SLC22A8: variants seen among roughly 807,000 people sequenced by gnomAD.
The protein encoded by SLC22A8 is solute carrier family 22 member 8, also known as organic anion transporter 3.
Under a neutral mutation model 48.4 loss-of-function variants are expected in SLC22A8, and 40 were observed. The ratio of observed to expected loss-of-function variants is 0.83; its 90% CI spans 0.64 to 1.08. SLC22A8 has a LOEUF of 1.08. Among genes scored for constraint, SLC22A8 ranks in the 50% least tolerant of loss-of-function variants. SLC22A8 has a pLI of 0.00. For missense variants in SLC22A8, 606 were observed against 699.0 expected, an observed-to-expected ratio of 0.87 and a Z score of 1.50; for synonymous variants, 268 against 286.3, an observed-to-expected ratio of 0.94 and a Z score of 0.65.
At chr11:63,013,118 T>C (rs2086637624) in intron 2 of SLC22A8, among the ~76,000 whole-genome samples, 1 of 152,116 alleles carries the variant, frequency 6.6e-6, no homozygotes, top group Admixed American at 6.6e-5. Context: ...TTACAGTGTG[T>C]TCAGGAAGGT....
chr11:62,997,840 C>A (rs900980270), intron 5 of SLC22A8, among the ~76,000 whole-genome samples: 1 of 152,208 alleles, frequency 6.6e-6, no homozygotes, highest in African/African-American at 2.4e-5. Context: ...TCAGAGACGA[C>A]GTAGGTTGAT....
At chr11:63,001,859 C>T (rs1231625147) in intron 2 of SLC22A8, among the ~76,000 whole-genome samples, 1 of 152,118 alleles carries the variant, frequency 6.6e-6, no homozygotes, top group Non-Finnish European at 1.5e-5. Flanking sequence ...GGACTTATCA[C>T]CCCACTTCTC....
chr11:62,999,314 C>A, intron 4 of SLC22A8: 1 of 529,942 alleles, frequency 1.9e-6, no homozygotes, highest in Non-Finnish European at 3.4e-6. Context: ...AGGACTCAAA[C>A]CTAGGTGTGT....
chr11:62,994,964 C>T (rs1051073558), intron 7 of SLC22A8: 12 of 606,862 alleles, frequency 2.0e-5, no homozygotes, highest in African/African-American at 9.2e-5. Flanking sequence ...TCATGTCTGA[C>T]GTGGGCATGG....
chr11:62,998,336 C>G (rs748004821), intron 5 of SLC22A8, among the ~76,000 whole-genome samples: 1 of 152,190 alleles, frequency 6.6e-6, no homozygotes, highest in Admixed American at 6.5e-5. Flanking sequence ...TCTCTGCCCA[C>G]TCTGGGTCTC....
At chr11:62,996,822 G>T (rs1427261889) in intron 5 of SLC22A8, among the ~76,000 whole-genome samples, 1 of 152,256 alleles carries the variant, frequency 6.6e-6, no homozygotes, top group Admixed American at 6.5e-5. Flanking sequence ...CAGGATAAGA[G>T]GAAAGGAAGA....
At chr11:63,012,983 G>A (rs2135148059) in intron 2 of SLC22A8, among the ~76,000 whole-genome samples, 1 of 152,224 alleles carries the variant, frequency 6.6e-6, no homozygotes, top group East Asian at 1.9e-4. Context: ...ATGGTGTGGA[G>A]GGCAGGTGTG....
intron 2 of SLC22A8, among the ~76,000 whole-genome samples, chr11:63,004,311 G>A (rs2086530982): frequency 2.0e-5 from 3 of 152,136 alleles, no homozygotes; most frequent in African/African-American, 7.2e-5. Flanking sequence ...TCCTTACAAT[G>A]GCTTACGAGG....
At chr11:63,006,786 T>C (rs1181372628) in intron 2 of SLC22A8, among the ~76,000 whole-genome samples, 1 of 151,216 alleles carries the variant, frequency 6.6e-6, no homozygotes, top group Non-Finnish European at 1.5e-5. Flanking sequence ...TTTTTTTTTT[T>C]TTAGTAGAGA....
intron 2 of SLC22A8, 36 bp from the exon 3 acceptor site, chr11:63,000,859 T>C (rs768884401): frequency 1.1e-5 from 16 of 1,514,090 alleles, no homozygotes; most frequent in Middle Eastern, 1.7e-4. Context: ...CCTAACTCAG[T>C]GTAGACAGCC....
At chr11:63,000,963 T>C (rs1460344755) in intron 2 of SLC22A8, 140 bp from the exon 3 acceptor site, 1 of 652,526 alleles carries the variant, frequency 1.5e-6, no homozygotes, top group Non-Finnish European at 2.8e-6. Flanking sequence ...CGTTTCCTTT[T>C]TCAGCCCGGC....
At chr11:63,012,832 TTA>T (rs2086634584) in intron 2 of SLC22A8, among the ~76,000 whole-genome samples, 1 of 152,154 alleles carries the variant, frequency 6.6e-6, no homozygotes, top group African/African-American at 2.4e-5. Flanking sequence ...CTCTTCGACT[TTA>T]TGTCCTCAGT....
At position 62,999,790 on chromosome 11, in the gene SLC22A8, C is replaced by G; in HGVS notation, c.490G>C (p.Gly164Arg). 6.2e-7 allele frequency: 1 copy of G among 1,604,526 alleles called. No homozygotes were observed. The highest frequency in any genetic ancestry group is 8.5e-7 in the Non-Finnish European group (1 of 1,175,294). The change falls in exon 4 of 11, where the codon GGC becomes CGC. Residue 164 changes from glycine to arginine, a missense_variant. Physicochemically the swap from Gly to Arg is moderately radical, Grantham distance 125. Transcript: ENST00000336232. Reference sequence around the variant, plus strand: ...GTGGGGCTGAAGGCTGCACCGGAGCCGCTGGCTGCCAGCAGCAGGTAGCTG... The same window carrying G: ...GTGGGGCTGAAGGCTGCACCGGAGCGGCTGGCTGCCAGCAGCAGGTAGCTG... Reference protein sequence around the residue: ...TCSYLLLAASGSGAAFSPTFP... With the variant: ...TCSYLLLAASRSGAAFSPTFP...
chr11:63,009,999 C>A (rs1411951718), intron 2 of SLC22A8, among the ~76,000 whole-genome samples: 1 of 152,150 alleles, frequency 6.6e-6, no homozygotes, highest in South Asian at 2.1e-4. Context: ...GCTGGCTCCC[C>A]TTTTTACCAG....
intron 2 of SLC22A8, among the ~76,000 whole-genome samples, chr11:63,012,388 T>G (rs1036400379): frequency 4.1e-4 from 62 of 151,946 alleles, no homozygotes; most frequent in Non-Finnish European, 8.4e-4. Flanking sequence ...CCTCCCAAAG[T>G]GCTGGGATTA....
At chr11:63,013,684 C>G (rs1193594877) in intron 2 of SLC22A8, among the ~76,000 whole-genome samples, 1 of 152,172 alleles carries the variant, frequency 6.6e-6, no homozygotes, top group Admixed American at 6.5e-5. Context: ...ACAATCATTT[C>G]CTTTCTCTGG....
chr11:62,994,981 G>C (rs1007467208), intron 7 of SLC22A8: 2 of 580,722 alleles, frequency 3.4e-6, no homozygotes, highest in Admixed American at 2.9e-5. Context: ...ATGGTCCAGG[G>C]TGTGGTGGCA....
intron 2 of SLC22A8, among the ~76,000 whole-genome samples, chr11:63,005,618 T>C (rs1350959921): frequency 6.6e-6 from 1 of 152,212 alleles, no homozygotes; most frequent in Non-Finnish European, 1.5e-5. Context: ...CTTAATTCAC[T>C]ATGACTCGTG....
At chr11:63,004,564 G>T (rs2086533867) in intron 2 of SLC22A8, among the ~76,000 whole-genome samples, 1 of 152,034 alleles carries the variant, frequency 6.6e-6, no homozygotes, top group Non-Finnish European at 1.5e-5. Context: ...TTCTCAGTGA[G>T]ACCTCCCTAT....
Sources: gnomAD v4.1 joint callset for allele counts (sites outside exome capture counted in the v4.1 genomes callset) on GRCh38, gnomAD v4.1.1 for gene constraint, MANE v1.5 for transcripts, NCBI Gene and HGNC (gene_info 2026-07-23, HGNC 2026-07-21) for gene names.